Variants in ANO4 observed in about 807,000 individuals in gnomAD.
The protein encoded by ANO4 is anoctamin-4.
In ANO4, 69 loss-of-function variants were observed where a neutral mutation model predicts 141.9. The observed-to-expected ratio is 0.49, with a 90% CI of 0.40 to 0.59. The LOEUF (loss-of-function observed/expected upper bound fraction) is 0.59, where lower values mean the gene tolerates loss of function less well. Ranked by LOEUF, ANO4 falls within the 20% of genes least tolerant of loss-of-function variation. The pLI, the probability that ANO4 is intolerant of heterozygous loss-of-function variation, is 0.00. For missense variants in ANO4, 894 were observed against 1,162.2 expected (o/e 0.77, Z 3.36); for synonymous variants, 350 against 394.3 (o/e 0.89, Z 1.33).
chr12:101,052,933 A>G (rs1006697859), intron 14 of ANO4, among the ~76,000 whole-genome samples: 2 of 152,190 alleles, frequency 1.3e-5, no homozygotes, highest in Non-Finnish European at 2.9e-5. Flanking sequence ...AGTAGCTGAT[A>G]AGGTGTGGAG....
intron 1 of ANO4, among the ~76,000 whole-genome samples, chr12:100,723,245 C>G (rs2030947743): frequency 6.6e-6 from 1 of 152,064 alleles, no homozygotes; most frequent in South Asian, 2.1e-4. Flanking sequence ...ATAGTCTGCT[C>G]TGGGCTGCTA....
intron 2 of ANO4, among the ~76,000 whole-genome samples, chr12:100,914,191 T>C (rs767320541): frequency 3.3e-5 from 5 of 152,186 alleles, no homozygotes; most frequent in Non-Finnish European, 5.9e-5. Context: ...ACTTAGGAGA[T>C]CATGATCTTA....
chr12:101,048,824 C>T (rs1368924748), intron 14 of ANO4, among the ~76,000 whole-genome samples: 2 of 152,080 alleles, frequency 1.3e-5, no homozygotes, highest in Non-Finnish European at 2.9e-5. Flanking sequence ...AAGGTCTATT[C>T]ACAGGACTGA....
At chr12:100,869,233 C>T (rs1356515998) in intron 1 of ANO4, among the ~76,000 whole-genome samples, 2 of 152,186 alleles carry the variant, frequency 1.3e-5, no homozygotes, top group East Asian at 3.8e-4. Flanking sequence ...TCTCCTGGCT[C>T]CTGCCAATAT....
chr12:100,972,940 A>G (rs190744876), intron 6 of ANO4, among the ~76,000 whole-genome samples: 183 of 152,348 alleles, frequency 1.2e-3, no homozygotes, highest in African/African-American at 4.3e-3. Flanking sequence ...TGGCCACATC[A>G]TGAATAACAC....
At chr12:100,769,573 A>C (rs2033215102) in intron 3 of ANO4, among the ~76,000 whole-genome samples, 1 of 152,230 alleles carries the variant, frequency 6.6e-6, no homozygotes, top group South Asian at 2.1e-4. Context: ...TATGATGCTT[A>C]AAAAGGATGT....
chr12:100,806,025 C>T (rs773726396), intron 1 of ANO4, among the ~76,000 whole-genome samples: 9 of 152,026 alleles, frequency 5.9e-5, no homozygotes, highest in South Asian at 2.1e-4. Flanking sequence ...TGTTGCCATT[C>T]GGGAGGATTT....
upstream of ANO4, among the ~76,000 whole-genome samples, chr12:100,791,536 G>T (rs1254078348): frequency 1.3e-5 from 2 of 152,258 alleles, no homozygotes; most frequent in East Asian, 3.9e-4. Context: ...TTGCATAAAA[G>T]ATTTACATTT....
At chr12:100,828,968 C>T (rs1024373375) in intron 1 of ANO4, among the ~76,000 whole-genome samples, 3 of 151,264 alleles carry the variant, frequency 2.0e-5, no homozygotes, top group Non-Finnish European at 2.9e-5. Flanking sequence ...TGCAGTGAGT[C>T]GAGATTGTGC....
chr12:100,959,473 G>C (rs1427204237), intron 5 of ANO4, among the ~76,000 whole-genome samples: 1 of 152,300 alleles, frequency 6.6e-6, no homozygotes, highest in South Asian at 2.1e-4. Flanking sequence ...CTTCTTGAAA[G>C]ATTTGTCTAG....
intron 2 of ANO4, among the ~76,000 whole-genome samples, chr12:100,916,727 T>C (rs1195568513): frequency 9.9e-5 from 15 of 152,184 alleles, no homozygotes; most frequent in Admixed American, 9.8e-4. Flanking sequence ...GGTTTTTACT[T>C]ATCAGGATCA....
intron 2 of ANO4, among the ~76,000 whole-genome samples, chr12:100,911,821 G>T (rs1173327600): frequency 6.6e-6 from 1 of 152,130 alleles, no homozygotes; most frequent in Non-Finnish European, 1.5e-5. Flanking sequence ...GTTCTGCCAA[G>T]AGTCAGGATA....
chr12:100,963,766 G>A (rs554794095), intron 5 of ANO4, among the ~76,000 whole-genome samples: 1 of 152,036 alleles, frequency 6.6e-6, no homozygotes, highest in African/African-American at 2.4e-5. Context: ...TTTAACCCTC[G>A]AGGAATGTAC....
At chr12:101,056,210 T>A (rs1265567062) in intron 14 of ANO4, among the ~76,000 whole-genome samples, 1 of 152,192 alleles carries the variant, frequency 6.6e-6, no homozygotes, top group Non-Finnish European at 1.5e-5. Flanking sequence ...TGAATCAATG[T>A]CAGTTTGGAA....
chr12:100,984,318 C>A (rs2044615347), intron 7 of ANO4, among the ~76,000 whole-genome samples: 1 of 152,114 alleles, frequency 6.6e-6, no homozygotes, highest in Admixed American at 6.5e-5. Context: ...GCTGGTCTCA[C>A]GCCTGTAATC....
chr12:100,944,433 A>G (rs1402953519), intron 5 of ANO4, among the ~76,000 whole-genome samples: 2 of 152,178 alleles, frequency 1.3e-5, no homozygotes, highest in Admixed American at 1.3e-4. Context: ...TAGCAATTGG[A>G]AAAAGGGAAT....
At chr12:101,124,237 CAT>C (rs1187652082) in intron 26 of ANO4, among the ~76,000 whole-genome samples, 5 of 152,050 alleles carry the variant, frequency 3.3e-5, no homozygotes, top group South Asian at 4.2e-4. Flanking sequence ...AGCTTTTTTT[CAT>C]ATGTTTGTTG....
intron 1 of ANO4, among the ~76,000 whole-genome samples, chr12:100,855,564 A>T (rs2038121527): frequency 6.6e-6 from 1 of 152,048 alleles, no homozygotes; most frequent in Non-Finnish European, 1.5e-5. Flanking sequence ...GAATTGGTGT[A>T]CTCTATCATA....
intron 22 of ANO4, among the ~76,000 whole-genome samples, chr12:101,103,590 T>C (rs1458195816): frequency 6.6e-6 from 1 of 151,852 alleles, no homozygotes; most frequent in African/African-American, 2.4e-5. Context: ...TTGGAAAAAA[T>C]GCCCACTTGG....
Sources: allele counts gnomAD v4.1 joint callset (sites outside exome capture counted in the v4.1 genomes callset), GRCh38; gene constraint gnomAD v4.1.1; transcripts MANE v1.5; gene names NCBI Gene and HGNC (gene_info 2026-07-23, HGNC 2026-07-21).